The following PTPRT variants were observed in gnomAD, a reference collection of about 807,000 sequenced individuals.
PTPRT encodes receptor-type tyrosine-protein phosphatase T.
PTPRT carries 56 observed loss-of-function variants against 176.8 expected under a neutral mutation model. The ratio of observed to expected loss-of-function variants is 0.32; its 90% CI spans 0.26 to 0.40. PTPRT has a LOEUF of 0.40. Ranked by LOEUF, PTPRT falls within the 10% of genes least tolerant of loss-of-function variation. PTPRT has a pLI of 1.00. For missense variants in PTPRT, 1,540 were observed against 1,908.2 expected, an observed-to-expected ratio of 0.81 and a Z score of 3.60; for synonymous variants, 783 against 739.0, an observed-to-expected ratio of 1.06 and a Z score of -0.96.
At chr20:42,771,238 C>G (rs1420285430) in intron 5 of PTPRT, among the ~76,000 whole-genome samples, 197 bp downstream of exon 5, 1 of 152,190 alleles carries the variant, frequency 6.6e-6, no homozygotes, top group East Asian at 1.9e-4. Context: ...CACCCCATCT[C>G]ACAAGCCCAG....
chr20:42,326,044 A>G (rs530311599), intron 11 of PTPRT, among the ~76,000 whole-genome samples: 2 of 152,292 alleles, frequency 1.3e-5, no homozygotes, highest in African/African-American at 4.8e-5. Flanking sequence ...AGCAACCGAA[A>G]TCCACAATAT....
intron 6 of PTPRT, among the ~76,000 whole-genome samples, chr20:42,682,636 G>T (rs1300731781): frequency 2.6e-5 from 4 of 152,198 alleles, no homozygotes; most frequent in African/African-American, 9.7e-5. Flanking sequence ...CCTTCATGGA[G>T]CTGAGGGCTG....
intron 1 of PTPRT, among the ~76,000 whole-genome samples, chr20:43,127,293 G>C (rs886447717): frequency 4.6e-5 from 7 of 151,808 alleles, no homozygotes; most frequent in African/African-American, 1.7e-4. Context: ...CGTGGTGGTG[G>C]GCACCTGTAG....
intron 7 of PTPRT, among the ~76,000 whole-genome samples, chr20:42,557,327 A>G (rs1278399963): frequency 6.6e-6 from 1 of 152,068 alleles, no homozygotes; most frequent in Non-Finnish European, 1.5e-5. Flanking sequence ...TTCACTCTAA[A>G]TGTACAGAAT....
intron 7 of PTPRT, among the ~76,000 whole-genome samples, chr20:42,554,263 A>G (rs2072821789): frequency 6.6e-6 from 1 of 152,110 alleles, no homozygotes; most frequent in Non-Finnish European, 1.5e-5. Flanking sequence ...TGTATCCAAA[A>G]AGCACTTGTA....
At chr20:42,156,563 C>T (rs1487859405) in intron 17 of PTPRT, among the ~76,000 whole-genome samples, 2 of 152,236 alleles carry the variant, frequency 1.3e-5, no homozygotes, top group Admixed American at 1.3e-4. Flanking sequence ...CACATGGAGA[C>T]ACTAATATGT....
chr20:43,154,332 A>G (rs2014453627), intron 1 of PTPRT, among the ~76,000 whole-genome samples: 1 of 152,142 alleles, frequency 6.6e-6, no homozygotes, highest in Non-Finnish European at 1.5e-5. Context: ...TTGGCTGTAA[A>G]TGCATGGATT....
chr20:42,591,949 TG>T (rs1373805461), intron 7 of PTPRT, among the ~76,000 whole-genome samples: 5 of 151,360 alleles, frequency 3.3e-5, no homozygotes, highest in African/African-American at 4.9e-5. Flanking sequence ...AGAGTCATTA[TG>T]GTCATGGTCA....
the PTPRT span, among the ~76,000 whole-genome samples, chr20:42,060,453 C>T: frequency 6.6e-6 from 1 of 152,182 alleles, no homozygotes; most frequent in Non-Finnish European, 1.5e-5. Context: ...TGTGTCCCCA[C>T]CCAAATCTCC....
At chr20:43,138,105 A>G (rs870251) in intron 1 of PTPRT, among the ~76,000 whole-genome samples, 75,678 of 152,104 alleles carry the variant, frequency 0.5, 19,362 homozygotes, top group East Asian at 0.83. Context: ...GCAGAGCTCC[A>G]AGCATAGGGC....
chr20:42,622,266 G>A (rs1019981708), intron 7 of PTPRT, among the ~76,000 whole-genome samples: 18 of 151,580 alleles, frequency 1.2e-4, no homozygotes, highest in Non-Finnish European at 2.5e-4. Context: ...TTTTGAGACG[G>A]AGTCTCACTC....
At chr20:42,315,184 C>CAAAAAAAAAAAAAAA (rs71193656) in intron 12 of PTPRT, among the ~76,000 whole-genome samples, 4 of 63,398 alleles carry the variant, frequency 6.3e-5, no homozygotes, top group African/African-American at 2.8e-4. Flanking sequence ...GGCTCCGTCT[C>CAAAAAAAAAAAAAAA]AAAAAAAAAA....
intron 8 of PTPRT, among the ~76,000 whole-genome samples, chr20:42,465,131 T>A (rs182666115): frequency 7.3e-6 from 1 of 137,928 alleles, no homozygotes. Context: ...CATTTCCTTA[T>A]TTGTAAAATA....
At chr20:42,437,947 C>A (rs566174277) in intron 9 of PTPRT, among the ~76,000 whole-genome samples, 1 of 152,152 alleles carries the variant, frequency 6.6e-6, no homozygotes, top group African/African-American at 2.4e-5. Context: ...AGGGGTAACA[C>A]GGTAAAACAT....
At chr20:43,083,077 C>A (rs1192146235) in intron 1 of PTPRT, among the ~76,000 whole-genome samples, 3 of 151,828 alleles carry the variant, frequency 2.0e-5, no homozygotes. Flanking sequence ...AGCTGCAGCG[C>A]CCGAATAAAG....
At chr20:43,179,155 C>T (rs377407455) in intron 1 of PTPRT, among the ~76,000 whole-genome samples, 2 of 152,326 alleles carry the variant, frequency 1.3e-5, no homozygotes, top group South Asian at 4.1e-4. Context: ...TGCAGGATCT[C>T]CTGGGGCCCT....
chr20:43,163,856 G>A (rs911479286), intron 1 of PTPRT, among the ~76,000 whole-genome samples: 6 of 152,148 alleles, frequency 3.9e-5, no homozygotes, highest in Non-Finnish European at 7.3e-5. Context: ...GAACACATCC[G>A]TTCCTCAACC....
rs571785288 is a variant in PTPRT at position 42,685,115 on chromosome 20, T to C, written c.860-6956A>G. On this transcript the variant is annotated intron_variant, in intron 6 of 30. Coordinates refer to ENST00000373187, the MANE Select transcript of PTPRT (RefSeq NM_007050.6). ...TGATAAAGACAATGGTACATTATGA[T>C]AAAGACAATGGTATACACAAAAGGT... is the stretch of plus-strand genomic sequence containing the variant. 4.6e-5 allele frequency among the ~76,000 whole-genome samples: 7 copies of C among 152,318 alleles called. No homozygotes were observed. The South Asian group carries it at 6.2e-4, about 14-fold the overall frequency.
intron 6 of PTPRT, among the ~76,000 whole-genome samples, chr20:42,691,245 G>T (rs1399171159): frequency 6.6e-6 from 1 of 152,238 alleles, no homozygotes; most frequent in East Asian, 1.9e-4. Flanking sequence ...TGACAAAGTA[G>T]AGAGAAAGGG....
Sources: gnomAD v4.1 joint callset for allele counts (sites outside exome capture counted in the v4.1 genomes callset) on GRCh38, gnomAD v4.1.1 for gene constraint, MANE v1.5 for transcripts, NCBI Gene and HGNC (gene_info 2026-07-23, HGNC 2026-07-21) for gene names.